The following CSNK1G1 variants were observed in gnomAD, a reference collection of about 807,000 sequenced individuals.
CSNK1G1 encodes the protein casein kinase 1 gamma 1, also known as casein kinase I isoform gamma-1.
Under a neutral mutation model 59.6 loss-of-function variants are expected in CSNK1G1, and 22 were observed. The observed-to-expected ratio is 0.37, with a 90% CI of 0.26 to 0.53. CSNK1G1 has a LOEUF of 0.53. Among genes scored for constraint, CSNK1G1 ranks in the 20% least tolerant of loss-of-function variants. The probability of loss-of-function intolerance (pLI) is 0.89; values close to 1 mark genes in which losing one functional copy is unlikely to be tolerated. For synonymous variants in CSNK1G1, 179 were observed against 177.1 expected (o/e 1.01, Z -0.08); for missense variants, 384 against 519.5 (o/e 0.74, Z 2.54).
chr15:64,298,649 T>G (rs1408544633), intron 2 of CSNK1G1, among the ~76,000 whole-genome samples: 1 of 152,214 alleles, frequency 6.6e-6, no homozygotes, highest in East Asian at 1.9e-4. Context: ...TCAAATGGTC[T>G]CTGGCTAGTA....
At chr15:64,293,074 G>A (rs994623026) in intron 2 of CSNK1G1, among the ~76,000 whole-genome samples, 2 of 152,016 alleles carry the variant, frequency 1.3e-5, no homozygotes, top group African/African-American at 4.8e-5. Flanking sequence ...TTCTTTCCAG[G>A]CCTGATTCAG....
chr15:64,241,333 C>A (rs2082691124), intron 4 of CSNK1G1, among the ~76,000 whole-genome samples: 1 of 152,116 alleles, frequency 6.6e-6, no homozygotes, highest in African/African-American at 2.4e-5. Flanking sequence ...TATATGTGTG[C>A]TCAATGTCAG....
At position 64,352,447 on chromosome 15, in the gene CSNK1G1, C is replaced by CTTTTTTTTTTTTT. The variant is rs1165768581; in HGVS notation, c.-225+3528_-225+3540dup. On this transcript the variant is annotated intron_variant, in intron 1 of 11. Coordinates refer to ENST00000303052, the MANE Select transcript of CSNK1G1 (RefSeq NM_022048.5). ...ATCACAAAACATAATTTGAATTCTTCTTTTTTTTTTTTTTTTTTTGAGATG... is the reference window on the plus strand; with the variant it reads ...ATCACAAAACATAATTTGAATTCTTCTTTTTTTTTTTTTTTTTTTTTTTTTTTTTTTTGAGATG... Among the ~76,000 whole-genome samples the CTTTTTTTTTTTTT allele has an allele frequency of 1.9e-3, 171 of 89,424 alleles. 14 individuals are homozygous for CTTTTTTTTTTTTT. Among genetic ancestry groups the CTTTTTTTTTTTTT allele is most frequent in the African/African-American group, 7.1e-3 (162 of 22,734 alleles). The allele number at this position is 89,424 out of a possible 152,430, so 58.7% of individuals were successfully genotyped here.
At chr15:64,351,150 A>G (rs1898262281) in intron 1 of CSNK1G1, among the ~76,000 whole-genome samples, 1 of 152,204 alleles carries the variant, frequency 6.6e-6, no homozygotes, top group South Asian at 2.1e-4. Context: ...TCACAGCTCC[A>G]TAAAAGAAAT....
intron 2 of CSNK1G1, among the ~76,000 whole-genome samples, chr15:64,297,650 T>A (rs905183585): frequency 3.3e-5 from 5 of 151,444 alleles, no homozygotes; most frequent in Non-Finnish European, 5.9e-5. Flanking sequence ...TGAGCTATGA[T>A]CATGCCACTG....
At chr15:64,294,726 C>T (rs564755578) in intron 2 of CSNK1G1, among the ~76,000 whole-genome samples, 2 of 150,996 alleles carry the variant, frequency 1.3e-5, no homozygotes, top group Admixed American at 6.6e-5. Flanking sequence ...GCCTGGCCAA[C>T]ATGGTGAAAC....
intron 1 of CSNK1G1, among the ~76,000 whole-genome samples, chr15:64,343,942 C>T (rs1374553529): frequency 6.6e-6 from 1 of 151,856 alleles, no homozygotes; most frequent in Non-Finnish European, 1.5e-5. Flanking sequence ...TATTTCTAAT[C>T]TATTGAATTC....
At chr15:64,318,631 G>A (rs577251784) in intron 1 of CSNK1G1, among the ~76,000 whole-genome samples, 70 of 144,584 alleles carry the variant, frequency 4.8e-4, no homozygotes, top group Non-Finnish European at 8.7e-4. Context: ...TTTTTTTTGA[G>A]ACAAAGTTTC....
chr15:64,307,975 C>T (rs879513287), intron 1 of CSNK1G1, among the ~76,000 whole-genome samples: 25 of 151,984 alleles, frequency 1.6e-4, no homozygotes, highest in African/African-American at 2.9e-4. Flanking sequence ...CGTGAACCAC[C>T]GCGCCCTGCC....
chr15:64,237,076 T>A (rs891202933), intron 4 of CSNK1G1, among the ~76,000 whole-genome samples: 13 of 152,190 alleles, frequency 8.5e-5, no homozygotes, highest in Non-Finnish European at 5.9e-5. Flanking sequence ...AAAATAGGTT[T>A]ACATGAATGT....
intron 11 of CSNK1G1, among the ~76,000 whole-genome samples, chr15:64,172,319 G>A (rs1202638155): frequency 6.6e-6 from 1 of 152,202 alleles, no homozygotes; most frequent in African/African-American, 2.4e-5. Flanking sequence ...CAAGAGTCAT[G>A]ACTGGGGGTC....
intron 10 of CSNK1G1, chr15:64,194,161 A>C (rs2082008994): frequency 6.6e-6 from 1 of 152,160 alleles, no homozygotes; most frequent in Non-Finnish European, 1.5e-5. Context: ...GGCCAGGAGG[A>C]GTGTGCAATC....
intron 2 of CSNK1G1, among the ~76,000 whole-genome samples, chr15:64,294,912 CAAAAAAAAAAAAAA>C (rs937758323): frequency 2.0e-5 from 1 of 51,152 alleles, no homozygotes; most frequent in African/African-American, 6.6e-5. Flanking sequence ...AACTTCGTCT[CAAAAAAAAAAAAAA>C]AAAAAAAAAG....
chr15:64,187,358 A>AT (rs371229586), intron 10 of CSNK1G1, among the ~76,000 whole-genome samples: 7,608 of 145,222 alleles, frequency 0.052, 246 homozygotes, highest in South Asian at 0.089. Context: ...GGCCTGGCTA[A>AT]TTTTTTTTTT....
chr15:64,191,701 T>C (rs942606748), intron 10 of CSNK1G1, among the ~76,000 whole-genome samples: 6 of 152,312 alleles, frequency 3.9e-5, no homozygotes, highest in Admixed American at 6.5e-5. Context: ...AGAAAACTAA[T>C]GTTAACACTC....
chr15:64,211,707 G>A (rs1204733476), intron 6 of CSNK1G1, among the ~76,000 whole-genome samples: 1 of 152,140 alleles, frequency 6.6e-6, no homozygotes, highest in Non-Finnish European at 1.5e-5. Flanking sequence ...TTTTATACAT[G>A]AGATAACCGA....
At chr15:64,299,997 T>C (rs1268891384) in intron 2 of CSNK1G1, among the ~76,000 whole-genome samples, 2 of 152,150 alleles carry the variant, frequency 1.3e-5, no homozygotes, top group Non-Finnish European at 2.9e-5. Flanking sequence ...TGTAAAAATA[T>C]GCAGAATTTG....
intron 11 of CSNK1G1, among the ~76,000 whole-genome samples, chr15:64,172,519 T>C (rs1041763968): frequency 6.6e-6 from 1 of 152,066 alleles, no homozygotes. Context: ...ATTCTCTCCA[T>C]CCCCCTCTCT....
Position 64,300,624 on chromosome 15 carries a change from T to A in CSNK1G1, c.-125A>T. 7.2e-7 allele frequency: 1 copy of A among 1,387,194 alleles called. No homozygotes were observed. The allele number at this position is 1,387,194 out of a possible 1,614,324, so 85.9% of individuals were successfully genotyped here. On this transcript the variant is annotated 5_prime_UTR_variant, in exon 2 of 12. It removes an upstream start codon present in the reference 5' UTR. Coordinates refer to ENST00000303052, the MANE Select transcript of CSNK1G1 (RefSeq NM_022048.5). ...AAGGTAAGGAGTTCTTTTAGCACCA[T>A]ATTTGTTTGTAATGTATCTCCGGGA... is the stretch of plus-strand genomic sequence containing the variant.
Sources: allele counts gnomAD v4.1 joint callset (sites outside exome capture counted in the v4.1 genomes callset), GRCh38; gene constraint gnomAD v4.1.1; transcripts MANE v1.5; gene names NCBI Gene and HGNC (gene_info 2026-07-23, HGNC 2026-07-21).